KIF24: variants seen among roughly 807,000 people sequenced by gnomAD.
KIF24 encodes kinesin-like protein KIF24.
KIF24 carries 81 observed loss-of-function variants against 118.9 expected under a neutral mutation model. The observed-to-expected ratio is 0.68, with a 90% CI of 0.57 to 0.82. KIF24 has a LOEUF of 0.82. Among genes scored for constraint, KIF24 ranks in the 40% least tolerant of loss-of-function variants. The pLI is 0.00. For synonymous variants in KIF24, 599 were observed against 610.0 expected (o/e 0.98, Z 0.27); for missense variants, 1,560 against 1,661.6 (o/e 0.94, Z 1.06).
intron 3 of KIF24, among the ~76,000 whole-genome samples, chr9:34,302,581 T>C (rs1836761838): frequency 6.6e-6 from 1 of 151,926 alleles, no homozygotes; most frequent in Non-Finnish European, 1.5e-5. Context: ...TTCTCCTGCC[T>C]CAGCCTCCCA....
intron 9 of KIF24, among the ~76,000 whole-genome samples, chr9:34,262,331 G>C (rs1835085441): frequency 6.6e-6 from 1 of 152,020 alleles, no homozygotes; most frequent in Non-Finnish European, 1.5e-5. Context: ...ATCCCTGCCT[G>C]AGTCTGCCCC....
chr9:34,318,326 C>T lies in KIF24; in HGVS notation c.-25-6955G>A. On this transcript the variant is annotated intron_variant, in intron 1 of 12. Transcript: ENST00000402558. This position sits in a 1 kb window ranked among gnomAD's most constrained non-coding sequence, Gnocchi z 4.9. ...AGCGAGACTCCCGTCTTGGAGCCAG[C>T]CCAGCCCAACCCAGCCCAACCCAGC... The T allele has an allele frequency of 3.5e-6, 2 of 578,096 alleles. No individual in the cohort carries two copies. The highest frequency in any genetic ancestry group is 6.2e-6 in the Non-Finnish European group (2 of 323,388). The allele number at this position is 578,096 out of a possible 1,614,324, so 35.8% of individuals were successfully genotyped here.
rs142413010 is a variant in KIF24, at chr9:34,316,109, T to C, written c.-25-4738A>G. Among the ~76,000 whole-genome samples, 19 of 152,202 alleles carry C rather than the reference T, an allele frequency of 1.2e-4. No individual in the cohort carries two copies. In the East Asian group the frequency reaches 3.7e-3, roughly 30 times the overall value. The stretch of plus-strand genomic sequence containing the variant: ...GCTCATGCCTATAATCCCAGCACTT[T>C]GGCAGGCCAAGGTGGGTGGATCACG... On this transcript the variant is annotated intron_variant, in intron 1 of 12. Transcript: ENST00000402558.
intron 6 of KIF24, among the ~76,000 whole-genome samples, chr9:34,286,080 T>A (rs1836040045): frequency 6.6e-6 from 1 of 151,940 alleles, no homozygotes; most frequent in Admixed American, 6.6e-5. Flanking sequence ...ACGGCTGTAA[T>A]CCCAGCACTT....
At chr9:34,311,661 CATATATACGTGTATATGT>C in intron 1 of KIF24, among the ~76,000 whole-genome samples, 1 of 144,006 alleles carries the variant, frequency 6.9e-6, no homozygotes, top group Non-Finnish European at 1.5e-5. Flanking sequence ...CGTGTATATA[CATATATACGTGTATATGT>C]ATATATATAC....
intron 1 of KIF24, among the ~76,000 whole-genome samples, chr9:34,322,554 T>C (rs1837557189): frequency 6.6e-6 from 1 of 151,996 alleles, no homozygotes; most frequent in Admixed American, 6.6e-5. Flanking sequence ...CCCGCTGGAC[T>C]ATTAGAAACT....
Position 34,277,759 on chromosome 9 carries a change from CTA to C in KIF24, c.1216-5831_1216-5830del, listed in dbSNP as rs988733439. Among the ~76,000 whole-genome samples, 59 of 152,256 alleles carry C rather than the reference CTA, an allele frequency of 3.9e-4. 1 individual carries two copies. The highest frequency in any genetic ancestry group is 8.8e-5 in the Non-Finnish European group (6 of 68,014). ...TTGCTGTAGTCATGCCTTCCAGAAA[CTA>C]TATAATAATGCACCTGAGCTATGAA... On this transcript the variant is annotated intron_variant, in intron 6 of 12. Transcript: ENST00000402558.
chr9:34,311,639 T>G lies in KIF24; in HGVS notation c.-25-268A>C, dbSNP rs189992386. On this transcript the variant is annotated intron_variant, in intron 1 of 12. Transcript: ENST00000402558. ...AAAAAGAGACATTCCATTTTACATATGTGTATATATACGTGTATATACATA... is the reference window on the plus strand; with the variant it reads ...AAAAAGAGACATTCCATTTTACATAGGTGTATATATACGTGTATATACATA... 6.1e-5 allele frequency among the ~76,000 whole-genome samples: 9 copies of G among 146,460 alleles called. No homozygotes were observed. The East Asian group carries it at 1.8e-3, about 29-fold the overall frequency.
intron 1 of KIF24, among the ~76,000 whole-genome samples, chr9:34,311,709 C>T (rs1183448512): frequency 4.3e-5 from 6 of 141,036 alleles, no homozygotes; most frequent in East Asian, 2.3e-4. Context: ...TACATATATA[C>T]GTATATATGT....
At position 34,266,686 on chromosome 9, in the gene KIF24, AAAAAAAAAAG is replaced by A. The variant is rs556212954; in HGVS notation, c.1443+2561_1443+2570del. Among the ~76,000 whole-genome samples, 734 of 151,796 alleles carry A rather than the reference AAAAAAAAAAG, an allele frequency of 4.8e-3. 3 individuals are homozygous for A. Among genetic ancestry groups the A allele is most frequent in the Non-Finnish European group, 8.2e-3 (556 of 67,898 alleles). On this transcript the variant is annotated intron_variant, in intron 8 of 12. Transcript: ENST00000402558. ...GTGTGAGACTCCATCTCAGAAAAAA[AAAAAAAAAAG>A]AAAGAAAAAGAAAGAAAAAGAAACC...
At chr9:34,283,378 TA>T (rs1227506210) in intron 6 of KIF24, among the ~76,000 whole-genome samples, 1 of 150,708 alleles carries the variant, frequency 6.6e-6, no homozygotes, top group African/African-American at 2.5e-5. Context: ...GTCTCAAAAA[TA>T]AAAAATAAAA....
intron 6 of KIF24, among the ~76,000 whole-genome samples, chr9:34,273,167 G>C (rs1835567576): frequency 1.3e-5 from 2 of 151,992 alleles, no homozygotes; most frequent in Admixed American, 1.3e-4. Flanking sequence ...GGGGGTAGCA[G>C]TGGACAATGT....
intron 5 of KIF24, among the ~76,000 whole-genome samples, chr9:34,288,590 G>A (rs1438494514): frequency 6.6e-6 from 1 of 151,718 alleles, no homozygotes; most frequent in African/African-American, 2.4e-5. Flanking sequence ...AGAAAGGTAG[G>A]AAATAGATTA....
intron 11 of KIF24, 38 bp from the exon 12 acceptor site, chr9:34,255,203 C>T (rs749823916): frequency 1.1e-5 from 14 of 1,222,308 alleles, no homozygotes; most frequent in African/African-American, 1.5e-5. Flanking sequence ...TCTTCCTGGC[C>T]TCCCAGCCTC....
At chr9:34,291,547 G>GT (rs1211281716) in intron 4 of KIF24, among the ~76,000 whole-genome samples, 1 of 152,134 alleles carries the variant, frequency 6.6e-6, no homozygotes, top group African/African-American at 2.4e-5. Context: ...CTTGTATGTG[G>GT]TTACATGTGT....
At chr9:34,307,663 A>G (rs1358020201) in intron 2 of KIF24, among the ~76,000 whole-genome samples, 2 of 152,078 alleles carry the variant, frequency 1.3e-5, no homozygotes, top group African/African-American at 4.8e-5. Context: ...CTGTAATCCT[A>G]GCACTTCGAG....
intron 6 of KIF24, among the ~76,000 whole-genome samples, chr9:34,283,437 A>G (rs1356390042): frequency 6.6e-6 from 1 of 152,194 alleles, no homozygotes; most frequent in Admixed American, 6.5e-5. Flanking sequence ...TAAGAAAATT[A>G]TATTAAGAAA....
intron 6 of KIF24, among the ~76,000 whole-genome samples, chr9:34,279,428 G>A (rs558576236): frequency 6.6e-6 from 1 of 152,342 alleles, no homozygotes. Flanking sequence ...AGGAATGACT[G>A]TAAAAAATTG....
chr9:34,269,400 C>T, intron 7 of KIF24, 38 bp from the exon 8 acceptor site: 1 of 906,730 alleles, frequency 1.1e-6, no homozygotes, highest in Non-Finnish European at 1.7e-6. Context: ...TTCTGTGAAG[C>T]TTTATTTTAT....
Sources: allele counts gnomAD v4.1 joint callset (sites outside exome capture counted in the v4.1 genomes callset), GRCh38; gene constraint gnomAD v4.1.1; non-coding constraint Gnocchi (gnomAD v3.1); transcripts MANE v1.5; gene names NCBI Gene and HGNC (gene_info 2026-07-23, HGNC 2026-07-21).